UPF2: variants seen among roughly 807,000 people sequenced by gnomAD.
UPF2 encodes regulator of nonsense transcripts 2.
A neutral mutation model predicts 141.4 loss-of-function variants in UPF2; 17 were observed. The observed-to-expected ratio is 0.12, with a 90% CI of 0.08 to 0.18. The LOEUF is 0.18. UPF2 is among the 10% of genes least tolerant of loss of function. The pLI is 1.00. For missense variants in UPF2, 1,152 were observed against 1,515.9 expected (o/e 0.76, Z 3.99); for synonymous variants, 540 against 498.0 (o/e 1.08, Z -1.12).
chr10:11,942,582 A>T, intron 18 of UPF2, 83 bp downstream of exon 18: 1 of 1,225,866 alleles, frequency 8.2e-7, no homozygotes, highest in South Asian at 1.3e-5. Context: ...CTTAGATAGG[A>T]GAGGCCTTCA....
intron 7 of UPF2, among the ~76,000 whole-genome samples, chr10:11,999,337 C>T (rs1218713934): frequency 6.6e-6 from 1 of 151,720 alleles, no homozygotes; most frequent in Non-Finnish European, 1.5e-5. Flanking sequence ...TATGATGAAA[C>T]CATGTCTCTA....
chr10:11,965,796 TA>T (rs944899002), intron 10 of UPF2, among the ~76,000 whole-genome samples: 8 of 148,324 alleles, frequency 5.4e-5, no homozygotes, highest in Non-Finnish European at 9.0e-5. Flanking sequence ...AGTCATGCAT[TA>T]AAAAAAAAAC....
At position 12,035,298 on chromosome 10, in the gene UPF2, C is replaced by T. The variant is rs767963133; in HGVS notation, c.126G>A (p.Lys42=). The part of the protein sequence containing the change: ...SSKERPKDDI[K]LTAKKEVSKA... ...TGCTGACCTCCTTCTTGGCAGTGAG[C>T]TTGATATCGTCTTTTGGCCTCTCCT... The change falls in exon 2 of 22, where the codon AAG becomes AAA. Residue 42 remains lysine, a synonymous_variant. Coordinates refer to ENST00000357604, the MANE Select transcript of UPF2 (RefSeq NM_015542.4). 2 of 1,614,078 alleles carry T rather than the reference C, an allele frequency of 1.2e-6. No individual in the cohort carries two copies. Among genetic ancestry groups the T allele is most frequent in the Non-Finnish European group, 1.7e-6 (2 of 1,180,010 alleles).
At chr10:11,942,323 A>C (rs919894739) in intron 18 of UPF2, among the ~76,000 whole-genome samples, 4 of 152,212 alleles carry the variant, frequency 2.6e-5, no homozygotes, top group Non-Finnish European at 5.9e-5. Context: ...CAGTGAGCTG[A>C]GATCGTGCCA....
At chr10:11,954,142 T>C (rs1356179259) in intron 14 of UPF2, among the ~76,000 whole-genome samples, 1 of 152,170 alleles carries the variant, frequency 6.6e-6, no homozygotes, top group East Asian at 1.9e-4. Flanking sequence ...ACAAACTTTA[T>C]AGAGGTTGTA....
At position 12,019,210 on chromosome 10, in the gene UPF2, G is replaced by C. The variant is rs1242727578; in HGVS notation, c.1146-5026C>G. On this transcript the variant is annotated intron_variant, in intron 3 of 21. Coordinates refer to ENST00000357604, the MANE Select transcript of UPF2 (RefSeq NM_015542.4). This position sits in a 1 kb window ranked among gnomAD's most constrained non-coding sequence, Gnocchi z 4.5. The stretch of plus-strand genomic sequence containing the variant: ...TACAATACATATTTCAGTCTCTGCA[G>C]ACCATTTGGTCTTTGCTGAAACTAC... Among the ~76,000 whole-genome samples, 1 of 152,174 alleles carries C rather than the reference G, an allele frequency of 6.6e-6. No individual in the cohort carries two copies. The highest frequency in any genetic ancestry group is 1.5e-5 in the Non-Finnish European group (1 of 68,036).
chr10:12,003,970 A>C (rs535604496), intron 5 of UPF2, among the ~76,000 whole-genome samples: 1 of 151,988 alleles, frequency 6.6e-6, no homozygotes, highest in East Asian at 1.9e-4. Context: ...AACAGCAAAT[A>C]CAGGGCAACC....
At chr10:12,040,202 C>T (rs1006699530) in intron 1 of UPF2, among the ~76,000 whole-genome samples, 38 of 152,116 alleles carry the variant, frequency 2.5e-4, no homozygotes, top group Admixed American at 2.2e-3. Flanking sequence ...AGGTAGATCA[C>T]GAGGTCAAGA....
chr10:12,024,028 T>G (rs7086517), intron 3 of UPF2, among the ~76,000 whole-genome samples: 41,515 of 152,024 alleles, frequency 0.27, 5,833 homozygotes, highest in East Asian at 0.46. Flanking sequence ...TTGAATAAAA[T>G]GCTTAAAGAA....
chr10:12,016,639 A>C lies in UPF2; in HGVS notation c.1146-2455T>G, dbSNP rs1834225157. ...AACCCGGGAGGCAGAGGTTGCAGTGAGCCAAGATTGCACCACTGTACTCCA... is the reference window on the plus strand; with the variant it reads ...AACCCGGGAGGCAGAGGTTGCAGTGCGCCAAGATTGCACCACTGTACTCCA... On this transcript the variant is annotated intron_variant, in intron 3 of 21. Coordinates refer to ENST00000357604, the MANE Select transcript of UPF2 (RefSeq NM_015542.4). This position sits in a 1 kb window ranked among gnomAD's most constrained non-coding sequence, Gnocchi z 4.1. 6.6e-6 allele frequency among the ~76,000 whole-genome samples: 1 copy of C among 151,862 alleles called. No homozygotes were observed. The highest frequency in any genetic ancestry group is 1.5e-5 in the Non-Finnish European group (1 of 67,992).
intron 3 of UPF2, among the ~76,000 whole-genome samples, chr10:12,027,168 C>T (rs927433060): frequency 6.6e-6 from 1 of 152,002 alleles, no homozygotes; most frequent in Non-Finnish European, 1.5e-5. Context: ...TCCAACAGTG[C>T]AATGGCACCG....
chr10:11,984,458 T>C (rs117263863), intron 8 of UPF2, among the ~76,000 whole-genome samples: 2,039 of 152,322 alleles, frequency 0.013, 33 homozygotes, highest in Non-Finnish European at 0.019. Flanking sequence ...GAACCAGATC[T>C]TGAATTTCTA....
At chr10:11,965,027 T>TC (rs912453199) in intron 10 of UPF2, among the ~76,000 whole-genome samples, 2 of 152,228 alleles carry the variant, frequency 1.3e-5, no homozygotes, top group African/African-American at 4.8e-5. Flanking sequence ...CCACATGAAG[T>TC]CAGGTGACAT....
At chr10:12,036,111 T>C (rs1175863592) in intron 1 of UPF2, among the ~76,000 whole-genome samples, 1 of 152,224 alleles carries the variant, frequency 6.6e-6, no homozygotes, top group African/African-American at 2.4e-5. Flanking sequence ...AAAATCCGTA[T>C]GTTCTGTGCT....
Position 11,955,452 on chromosome 10 carries a change from T to G in UPF2, c.2630A>C (p.Glu877Ala). The change falls in exon 14 of 22, where the codon GAA becomes GCA. Residue 877 changes from glutamate (E) to alanine (A), a missense_variant. Physicochemically the swap from Glu to Ala is moderately radical, Grantham distance 107. Transcript: ENST00000357604. ...TTCCACCATTCGGTAATTGTAAAGT[T>G]CTCCTAAGAACTTGGCACTGCTGAT... ...RRISSAKFLG[E>A]LYNYRMVESA... 1 of 1,614,134 alleles carries G rather than the reference T, an allele frequency of 6.2e-7. No individual in the cohort carries two copies.
intron 4 of UPF2, among the ~76,000 whole-genome samples, chr10:12,012,683 C>A (rs1485161068): frequency 6.6e-6 from 1 of 151,582 alleles, no homozygotes; most frequent in Non-Finnish European, 1.5e-5. Context: ...CCTGTAGTCC[C>A]AGCTATTCGG....
intron 8 of UPF2, among the ~76,000 whole-genome samples, chr10:11,990,830 T>C (rs1004996118): frequency 1.9e-4 from 29 of 151,220 alleles, no homozygotes; most frequent in African/African-American, 7.1e-4. Flanking sequence ...CTACTAAAAA[T>C]ACAAAATATT....
intron 10 of UPF2, among the ~76,000 whole-genome samples, chr10:11,966,273 G>C (rs999980107): frequency 1.3e-5 from 2 of 152,122 alleles, no homozygotes; most frequent in Non-Finnish European, 2.9e-5. Flanking sequence ...GTGTTTTCAA[G>C]TCTCTGACTA....
In UPF2 at chr10:11,959,360, A is replaced by C. The variant is rs746359827; in HGVS notation, c.2185-4T>G. On this transcript the variant is annotated splice_polypyrimidine_tract_variant and splice_region_variant and intron_variant, in intron 11 of 21. Coordinates refer to ENST00000357604, the MANE Select transcript of UPF2 (RefSeq NM_015542.4). The surrounding 1 kb of genome is among the most constrained non-coding windows in gnomAD (Gnocchi z 5.9). ...GCTTCTTTCTCATCATTTGCTCCTG[A>C]AATAAAAAGTCCAAATTAATCAAAA... is the stretch of plus-strand genomic sequence containing the variant. The C allele has an allele frequency of 1.3e-6, 2 of 1,559,182 alleles. No homozygotes were observed. The highest frequency in any genetic ancestry group is 2.4e-5 in the South Asian group (2 of 81,872).
Sources: allele counts gnomAD v4.1 joint callset (sites outside exome capture counted in the v4.1 genomes callset), GRCh38; gene constraint gnomAD v4.1.1; non-coding constraint Gnocchi (gnomAD v3.1); transcripts MANE v1.5; gene names NCBI Gene and HGNC (gene_info 2026-07-23, HGNC 2026-07-21).